The following MAPKAPK5 variants were observed in gnomAD, a reference collection of about 807,000 sequenced individuals.
MAPKAPK5 encodes MAP kinase-activated protein kinase 5.
Under a neutral mutation model 65.1 loss-of-function variants are expected in MAPKAPK5, and 30 were observed. The observed-to-expected ratio is 0.46, with a 90% CI of 0.34 to 0.63. The LOEUF (loss-of-function observed/expected upper bound fraction) is 0.63. Among genes scored for constraint, MAPKAPK5 ranks in the 20% least tolerant of loss-of-function variants. MAPKAPK5 has a pLI of 0.01. For missense variants in MAPKAPK5, 433 were observed against 581.4 expected (o/e 0.74, Z 2.63); for synonymous variants, 179 against 204.6 (o/e 0.87, Z 1.07).
intron 1 of MAPKAPK5, among the ~76,000 whole-genome samples, chr12:111,843,589 A>C (rs1388241907): frequency 6.6e-6 from 1 of 152,218 alleles, no homozygotes; most frequent in Non-Finnish European, 1.5e-5. Flanking sequence ...AGCCCAGTGC[A>C]TTGAATAATT....
Position 111,898,473 on chromosome 12 carries a change from C to A in MAPKAPK5, c.*5412C>A, listed in dbSNP as rs2070896080. 6.6e-6 allele frequency: 1 copy of A among 152,126 alleles called. No individual in the cohort carries two copies. Among genetic ancestry groups the A allele is most frequent in the South Asian group, 2.1e-4 (1 of 4,826 alleles). 9.4% of individuals were successfully genotyped at this position (152,126 alleles called of 1,614,324 possible). On this transcript the variant is annotated 3_prime_UTR_variant, in exon 14 of 14. Coordinates refer to ENST00000550735, the MANE Select transcript of MAPKAPK5 (RefSeq NM_003668.4). ...GGTGAGCCACCGTGCCCGGGCCCCA[C>A]ACTTTGTTTTTATGTTAGGGCAGTT...
At chr12:111,849,656 T>G (rs2069009492) in intron 1 of MAPKAPK5, among the ~76,000 whole-genome samples, 1 of 152,202 alleles carries the variant, frequency 6.6e-6, no homozygotes, top group Non-Finnish European at 1.5e-5. Flanking sequence ...CATTTTATAA[T>G]GGTGTCTTTT....
chr12:111,880,548 C>T, intron 8 of MAPKAPK5, 21 bp downstream of exon 8: 1 of 1,606,454 alleles, frequency 6.2e-7, no homozygotes, highest in Non-Finnish European at 8.5e-7. Flanking sequence ...AGATATTTCT[C>T]TTCATTTGAC....
Position 111,889,737 on chromosome 12 carries a change from TTTGG to T in MAPKAPK5, c.1217-299_1217-296del, listed in dbSNP as rs143840942. 1,335 of 259,376 alleles carry T rather than the reference TTTGG, an allele frequency of 5.1e-3. 16 individuals are homozygous for T. The highest frequency in any genetic ancestry group is 0.028 in the African/African-American group (1,268 of 45,840). 16.1% of individuals were successfully genotyped at this position (259,376 alleles called of 1,614,324 possible). A position where few individuals can be genotyped will look rare whatever the true frequency, so the allele number is the denominator to read the frequency against. ...TAGCCCACTCTCCCACTTTTTGGTC[TTTGG>T]TTGACCAGGTGTCTTTTGTTCAGCA... On this transcript the variant is annotated intron_variant, in intron 12 of 13. Coordinates refer to ENST00000550735, the MANE Select transcript of MAPKAPK5 (RefSeq NM_003668.4).
rs569000898 is a variant in MAPKAPK5 at position 111,898,041 on chromosome 12, T to G, written c.*4980T>G. ...TGACATCAAAACCAAATTCAAGGAC[T>G]TCCACAGACATTTCAGGTCAATTTT... On this transcript the variant is annotated 3_prime_UTR_variant, in exon 14 of 14. Coordinates refer to ENST00000550735, the MANE Select transcript of MAPKAPK5 (RefSeq NM_003668.4). 6 of 152,168 alleles carry G rather than the reference T, an allele frequency of 3.9e-5. No individual in the cohort carries two copies. The highest frequency in any genetic ancestry group is 1.4e-4 in the African/African-American group (6 of 41,520). The allele number at this position is 152,168 out of a possible 1,614,324, so 9.4% of individuals were successfully genotyped here.
At chr12:111,852,411 C>T (rs181366054) in intron 1 of MAPKAPK5, among the ~76,000 whole-genome samples, 151 of 152,292 alleles carry the variant, frequency 9.9e-4, no homozygotes, top group African/African-American at 3.4e-3. Context: ...TGATGATGCA[C>T]CTCCACTTAA....
intron 1 of MAPKAPK5, chr12:111,842,987 T>C: frequency 2.4e-6 from 1 of 408,898 alleles, no homozygotes; most frequent in Non-Finnish European, 4.3e-6. Context: ...CCCTGGTGAG[T>C]GTGATTTGTG....
chr12:111,866,436 C>A (rs889363311), intron 3 of MAPKAPK5, among the ~76,000 whole-genome samples: 1 of 152,206 alleles, frequency 6.6e-6, no homozygotes, highest in Non-Finnish European at 1.5e-5. Context: ...TTCCTTTCAG[C>A]CACCTCTTGT....
chr12:111,860,303 G>C (rs747152683), intron 1 of MAPKAPK5, among the ~76,000 whole-genome samples: 3 of 152,152 alleles, frequency 2.0e-5, no homozygotes, highest in Non-Finnish European at 4.4e-5. Context: ...AAAAATTGCT[G>C]CTGGCTCTAA....
At chr12:111,867,047 A>G (rs1366748442) in intron 3 of MAPKAPK5, among the ~76,000 whole-genome samples, 1 of 152,084 alleles carries the variant, frequency 6.6e-6, no homozygotes, top group Non-Finnish European at 1.5e-5. Context: ...CTTCTACCTC[A>G]GCCTCCTGAG....
Position 111,883,901 on chromosome 12 carries a change from C to T in MAPKAPK5, c.848+133C>T. 1.1e-6 allele frequency: 1 copy of T among 906,288 alleles called. No homozygotes were observed. Among genetic ancestry groups the T allele is most frequent in the Admixed American group, 2.8e-5 (1 of 35,604 alleles). The allele number at this position is 906,288 out of a possible 1,614,324, so 56.1% of individuals were successfully genotyped here. A position where few individuals can be genotyped will look rare whatever the true frequency, so the allele number is the denominator to read the frequency against. On this transcript the variant is annotated intron_variant, in intron 9 of 13. Coordinates refer to ENST00000550735, the MANE Select transcript of MAPKAPK5 (RefSeq NM_003668.4). This position sits in a 1 kb window ranked among gnomAD's most constrained non-coding sequence, Gnocchi z 4.8. ...CCGTTTTAATATCACAGAAATCTCTCTGGAGCCTGAGGTGACTGTTCTCAG... is the reference window on the plus strand; with the variant it reads ...CCGTTTTAATATCACAGAAATCTCTTTGGAGCCTGAGGTGACTGTTCTCAG...
At chr12:111,889,145 A>G in intron 12 of MAPKAPK5, 145 bp downstream of exon 12, 1 of 885,300 alleles carries the variant, frequency 1.1e-6, no homozygotes, top group Non-Finnish European at 1.7e-6. Context: ...AAAGTACATT[A>G]TATAAGGTAG....
intron 7 of MAPKAPK5, among the ~76,000 whole-genome samples, chr12:111,876,104 G>A (rs994154542): frequency 1.6e-4 from 25 of 151,548 alleles, no homozygotes; most frequent in Non-Finnish European, 3.7e-4. Flanking sequence ...CTTCTCGGGA[G>A]GCTGAGGCAG....
chr12:111,884,010 T>G (rs2070322668), intron 9 of MAPKAPK5, among the ~76,000 whole-genome samples: 1 of 152,198 alleles, frequency 6.6e-6, no homozygotes, highest in Non-Finnish European at 1.5e-5. Flanking sequence ...CCCAGGTCCC[T>G]CCATAGGCAG....
chr12:111,900,061 A>G lies in MAPKAPK5; in HGVS notation c.*7000A>G, dbSNP rs1006112100. On this transcript the variant is annotated 3_prime_UTR_variant, in exon 14 of 14. Coordinates refer to ENST00000550735, the MANE Select transcript of MAPKAPK5 (RefSeq NM_003668.4). ...GTAGTGGATGTCATTGCTCTGGCCA[A>G]CAGCTTCACTAGGGGAATAAACACA... 6.6e-6 allele frequency: 3 copies of G among 455,978 alleles called. No homozygotes were observed. The highest frequency in any genetic ancestry group is 1.5e-5 in the South Asian group (1 of 64,568). The allele number at this position is 455,978 out of a possible 1,614,324, so 28.2% of individuals were successfully genotyped here. A position where few individuals can be genotyped will look rare whatever the true frequency, so the allele number is the denominator to read the frequency against.
intron 8 of MAPKAPK5, among the ~76,000 whole-genome samples, chr12:111,881,402 C>CTTTTTTTTTTTTTTTTTTTTTTTTTTTT (rs1274226182): frequency 5.1e-5 from 6 of 116,698 alleles, no homozygotes; most frequent in African/African-American, 1.3e-4. Context: ...CCTGTCTGTT[C>CTTTTTTTTTTTTTTTTTTTTTTTTTTTT]CTTTTTTTTT....
intron 4 of MAPKAPK5, 62 bp from the exon 5 acceptor site, chr12:111,868,691 G>GT (rs34689630): frequency 0.17 from 211,244 of 1,280,030 alleles, 19,152 homozygotes; most frequent in African/African-American, 0.26. Flanking sequence ...ATGTTTCAGG[G>GT]TTTTTTGTTT....
At chr12:111,857,671 C>T (rs1279302528) in intron 1 of MAPKAPK5, among the ~76,000 whole-genome samples, 1 of 152,018 alleles carries the variant, frequency 6.6e-6, no homozygotes, top group Admixed American at 6.6e-5. Flanking sequence ...TTTGATAATG[C>T]CTTTATTTCA....
At chr12:111,858,053 C>G (rs2069303419) in intron 1 of MAPKAPK5, among the ~76,000 whole-genome samples, 2 of 152,014 alleles carry the variant, frequency 1.3e-5, no homozygotes, top group Admixed American at 1.3e-4. Flanking sequence ...CACAGGCATG[C>G]ACCACTACAC....
Sources: gnomAD v4.1 joint callset for allele counts (sites outside exome capture counted in the v4.1 genomes callset) on GRCh38, gnomAD v4.1.1 for gene constraint, Gnocchi (gnomAD v3.1) non-coding constraint, MANE v1.5 for transcripts, NCBI Gene and HGNC (gene_info 2026-07-23, HGNC 2026-07-21) for gene names.